Variants in TRHDE observed in about 807,000 individuals in gnomAD.
TRHDE encodes the protein thyrotropin releasing hormone degrading enzyme.
TRHDE carries 72 observed loss-of-function variants against 125.7 expected under a neutral mutation model. That is an observed-to-expected ratio of 0.57 (90% CI 0.47 to 0.70). The LOEUF is 0.70. TRHDE is among the 30% of genes least tolerant of loss of function. The pLI is 0.00. For missense variants in TRHDE, 1,110 were observed against 1,327.1 expected, an observed-to-expected ratio of 0.84 and a Z score of 2.54; for synonymous variants, 509 against 509.1, an observed-to-expected ratio of 1.00 and a Z score of 0.00.
At chr12:72,462,564 A>G (rs1040570079) in intron 3 of TRHDE, among the ~76,000 whole-genome samples, 5 of 152,182 alleles carry the variant, frequency 3.3e-5, no homozygotes, top group Middle Eastern at 6.8e-3. Context: ...CTATTCATTT[A>G]TTTTTCAGTT....
At chr12:72,497,439 G>T (rs547713610) in intron 5 of TRHDE, among the ~76,000 whole-genome samples, 3 of 152,040 alleles carry the variant, frequency 2.0e-5, no homozygotes, top group African/African-American at 7.2e-5. Context: ...TAAAATTAAG[G>T]TTTAAATAAA....
At chr12:72,287,815 C>A (rs1250677826) in intron 2 of TRHDE, among the ~76,000 whole-genome samples, 2 of 152,178 alleles carry the variant, frequency 1.3e-5, no homozygotes, top group South Asian at 2.1e-4. Context: ...TTTTTACATG[C>A]AATTACATTG....
chr12:72,455,767 CA>C (rs113869831), intron 3 of TRHDE, among the ~76,000 whole-genome samples: 15 of 152,080 alleles, frequency 9.9e-5, no homozygotes, highest in African/African-American at 3.4e-4. Context: ...GGAGACTTTA[CA>C]AATGATTTTT....
chr12:72,188,096 A>C (rs1251181887), intron 2 of TRHDE, among the ~76,000 whole-genome samples: 1 of 152,252 alleles, frequency 6.6e-6, no homozygotes, highest in African/African-American at 2.4e-5. Context: ...ATTGCTCTTC[A>C]ACAAAGCAAC....
intron 10 of TRHDE, 136 bp downstream of exon 10, chr12:72,568,792 C>T (rs536612100): frequency 5.9e-6 from 3 of 507,992 alleles, no homozygotes; most frequent in East Asian, 6.0e-5. Context: ...ATTATCAACC[C>T]TATAAAATTA....
At chr12:72,571,913 G>A (rs768145318) in intron 10 of TRHDE, among the ~76,000 whole-genome samples, 3 of 148,280 alleles carry the variant, frequency 2.0e-5, no homozygotes, top group Non-Finnish European at 4.5e-5. Context: ...AGTTGATTAC[G>A]TAAAGAGGTG....
At chr12:72,176,516 G>C (rs1876991693) in intron 2 of TRHDE, among the ~76,000 whole-genome samples, 2 of 152,170 alleles carry the variant, frequency 1.3e-5, no homozygotes, top group African/African-American at 4.8e-5. Context: ...TACTCAAAAA[G>C]GGGGTGACAG....
chr12:72,535,700 G>A (rs987693725), intron 6 of TRHDE, among the ~76,000 whole-genome samples: 3 of 151,272 alleles, frequency 2.0e-5, no homozygotes, highest in Non-Finnish European at 4.4e-5. Context: ...AAAAAAAACA[G>A]CGAAGAAAAC....
At chr12:72,268,538 G>A (rs1001323602), upstream of TRHDE, among the ~76,000 whole-genome samples, 1 of 152,066 alleles carries the variant, frequency 6.6e-6, no homozygotes, top group African/African-American at 2.4e-5. Flanking sequence ...AGATGAAGGT[G>A]ATCAGGATCT....
intron 2 of TRHDE, among the ~76,000 whole-genome samples, chr12:72,363,889 A>C (rs867166715): frequency 5.9e-5 from 9 of 151,970 alleles, no homozygotes; most frequent in African/African-American, 2.2e-4. Flanking sequence ...CTCAGCCCAA[A>C]ATCTCCTTAA....
At chr12:72,490,587 G>A (rs982911271) in intron 5 of TRHDE, among the ~76,000 whole-genome samples, 1 of 145,452 alleles carries the variant, frequency 6.9e-6, no homozygotes, top group African/African-American at 2.7e-5. Context: ...TGTCGATGAG[G>A]AAATTTTGTG....
chr12:72,266,996 A>G (rs558067885), intron 2 of TRHDE, among the ~76,000 whole-genome samples: 16 of 152,144 alleles, frequency 1.1e-4, no homozygotes, highest in African/African-American at 3.9e-4. Context: ...TATTATTATT[A>G]TTTTCATTAA....
chr12:72,283,140 A>T (rs1285734488), intron 1 of TRHDE, among the ~76,000 whole-genome samples: 1 of 152,226 alleles, frequency 6.6e-6, no homozygotes, highest in Non-Finnish European at 1.5e-5. Flanking sequence ...CTTTGCAGGA[A>T]GGAAGCATAT....
At chr12:72,590,767 A>T (rs748539170) in intron 12 of TRHDE, among the ~76,000 whole-genome samples, 1 of 152,126 alleles carries the variant, frequency 6.6e-6, no homozygotes, top group African/African-American at 2.4e-5. Flanking sequence ...TTATTCTCAC[A>T]ATCTCTGCCT....
chr12:72,435,656 T>G (rs983537846), intron 3 of TRHDE, among the ~76,000 whole-genome samples: 9 of 151,354 alleles, frequency 5.9e-5, no homozygotes, highest in African/African-American at 1.5e-4. Context: ...TTTTTTTTTT[T>G]GTCAGAGTTT....
intron 5 of TRHDE, among the ~76,000 whole-genome samples, chr12:72,496,166 G>A (rs1358246164): frequency 1.3e-5 from 2 of 152,162 alleles, no homozygotes; most frequent in Non-Finnish European, 2.9e-5. Context: ...ACACGCATGT[G>A]TACACACTTA....
chr12:72,577,566 C>A (rs969854988), intron 12 of TRHDE, among the ~76,000 whole-genome samples: 1 of 152,032 alleles, frequency 6.6e-6, no homozygotes, highest in African/African-American at 2.4e-5. Flanking sequence ...TCATGTGAAT[C>A]GTTACGGGTT....
chr12:72,218,008 G>A (rs1266918069), intron 2 of TRHDE, among the ~76,000 whole-genome samples: 2 of 151,978 alleles, frequency 1.3e-5, no homozygotes, highest in Non-Finnish European at 2.9e-5. Context: ...ATCTAGCAAT[G>A]GCAAATAAGT....
At chr12:72,601,193 T>C (rs1342882596) in intron 12 of TRHDE, among the ~76,000 whole-genome samples, 1 of 152,068 alleles carries the variant, frequency 6.6e-6, no homozygotes, top group East Asian at 1.9e-4. Context: ...TGGGATGACT[T>C]TGATAGGTTT....
Sources: allele counts gnomAD v4.1 joint callset (sites outside exome capture counted in the v4.1 genomes callset), GRCh38; gene constraint gnomAD v4.1.1; transcripts MANE v1.5; gene names NCBI Gene and HGNC (gene_info 2026-07-23, HGNC 2026-07-21).